The following NBEA variants were observed in gnomAD, a reference collection of about 807,000 sequenced individuals.
The protein encoded by NBEA is neurobeachin.
In NBEA, 44 loss-of-function variants were observed where a neutral mutation model predicts 343.4. The observed-to-expected ratio is 0.13, with a 90% CI of 0.10 to 0.16. NBEA has a LOEUF of 0.16. Among genes scored for constraint, NBEA ranks in the 10% least tolerant of loss-of-function variants. The pLI, the probability that NBEA is intolerant of heterozygous loss-of-function variation, is 1.00. For missense variants in NBEA, 2,555 were observed against 3,631.3 expected (o/e 0.70, Z 7.62); for synonymous variants, 1,175 against 1,238.7 (o/e 0.95, Z 1.08).
intron 41 of NBEA, among the ~76,000 whole-genome samples, chr13:35,484,688 C>A (rs1438595776): frequency 6.6e-6 from 1 of 152,184 alleles, no homozygotes; most frequent in East Asian, 1.9e-4. Context: ...TAATTAATTG[C>A]CTCTATTCTT....
At chr13:35,311,550 T>A (rs1240701571) in intron 36 of NBEA, among the ~76,000 whole-genome samples, 1 of 152,044 alleles carries the variant, frequency 6.6e-6, no homozygotes, top group Non-Finnish European at 1.5e-5. Context: ...GTAGTCACAA[T>A]TTTAAAAAAA....
intron 40 of NBEA, among the ~76,000 whole-genome samples, chr13:35,471,599 T>G (rs2075651687): frequency 6.6e-6 from 1 of 152,174 alleles, no homozygotes; most frequent in African/African-American, 2.4e-5. Flanking sequence ...TACGCGTAAT[T>G]CGTGATTTTC....
chr13:35,231,765 AG>A (rs1382513400), intron 33 of NBEA, among the ~76,000 whole-genome samples: 4 of 152,140 alleles, frequency 2.6e-5, no homozygotes, highest in African/African-American at 4.8e-5. Flanking sequence ...TGATAGAGCC[AG>A]GATTCTAGTC....
At chr13:35,009,458 A>G (rs975418363) in intron 1 of NBEA, among the ~76,000 whole-genome samples, 4 of 152,144 alleles carry the variant, frequency 2.6e-5, no homozygotes, top group Non-Finnish European at 5.9e-5. Flanking sequence ...AGCCATATGG[A>G]TATCAGTCAG....
intron 6 of NBEA, among the ~76,000 whole-genome samples, chr13:35,054,504 A>G (rs2063175321): frequency 6.6e-6 from 1 of 152,102 alleles, no homozygotes; most frequent in African/African-American, 2.4e-5. Flanking sequence ...TGGAATGAAA[A>G]AACTTAAAAA....
At chr13:35,057,786 T>C (rs1738269100) in intron 7 of NBEA, among the ~76,000 whole-genome samples, 1 of 152,136 alleles carries the variant, frequency 6.6e-6, no homozygotes, top group Non-Finnish European at 1.5e-5. Context: ...TTTGTAATAG[T>C]GCCCTAAGAA....
At chr13:35,469,433 A>T (rs905121859) in intron 40 of NBEA, among the ~76,000 whole-genome samples, 2 of 152,158 alleles carry the variant, frequency 1.3e-5, no homozygotes, top group Non-Finnish European at 2.9e-5. Flanking sequence ...TAATACCCCT[A>T]TACTTCTTTC....
Position 35,443,037 on chromosome 13 carries a change from CTCT to C in NBEA, c.6305-9050_6305-9048del, listed in dbSNP as rs1462441338. On this transcript the variant is annotated intron_variant, in intron 39 of 58. Coordinates refer to ENST00000379939, the MANE Select transcript of NBEA (RefSeq NM_001385012.1). ...GTTGGTGTTAGGTAGCCATTTTCTT[CTCT>C]TCTTTCTTAAATTCCAATCAATTGT... is the stretch of plus-strand genomic sequence containing the variant. Among the ~76,000 whole-genome samples, 3 of 152,030 alleles carry C rather than the reference CTCT, an allele frequency of 2.0e-5. No individual in the cohort carries two copies. In the East Asian group the frequency reaches 5.8e-4, roughly 29 times the overall value.
chr13:35,429,714 AC>A (rs1220748846), intron 38 of NBEA, among the ~76,000 whole-genome samples: 1 of 151,522 alleles, frequency 6.6e-6, no homozygotes, highest in Non-Finnish European at 1.5e-5. Flanking sequence ...ATTTTGGTGC[AC>A]CCATCACCTG....
chr13:35,148,549 A>T (rs2068578493), intron 18 of NBEA, among the ~76,000 whole-genome samples: 1 of 152,196 alleles, frequency 6.6e-6, no homozygotes, highest in Non-Finnish European at 1.5e-5. Flanking sequence ...AACTTGGAAA[A>T]TGTAGAAAAG....
intron 36 of NBEA, among the ~76,000 whole-genome samples, chr13:35,337,867 A>G (rs1231713523): frequency 3.3e-5 from 5 of 152,096 alleles, no homozygotes; most frequent in Non-Finnish European, 7.4e-5. Context: ...GGAAACTACT[A>G]AATAACCAAT....
At chr13:34,954,232 G>A (rs1435880340) in intron 1 of NBEA, among the ~76,000 whole-genome samples, 1 of 152,146 alleles carries the variant, frequency 6.6e-6, no homozygotes, top group Non-Finnish European at 1.5e-5. Context: ...GGAATCTATG[G>A]ATTTTGGTAA....
chr13:35,610,680 C>T (rs2082474729), intron 48 of NBEA, among the ~76,000 whole-genome samples: 1 of 151,976 alleles, frequency 6.6e-6, no homozygotes, highest in South Asian at 2.1e-4. Flanking sequence ...AAAGCACAAC[C>T]TATAAAAGAA....
At chr13:35,507,276 A>G (rs1382712358) in intron 41 of NBEA, among the ~76,000 whole-genome samples, 2 of 151,642 alleles carry the variant, frequency 1.3e-5, no homozygotes, top group African/African-American at 2.4e-5. Flanking sequence ...CAACCACCTA[A>G]TGTTGGAGTG....
At chr13:35,636,173 A>G (rs866301838) in intron 49 of NBEA, among the ~76,000 whole-genome samples, 4 of 152,360 alleles carry the variant, frequency 2.6e-5, no homozygotes, top group South Asian at 4.1e-4. Context: ...TAAATTAACA[A>G]TTATTCAAAA....
intron 13 of NBEA, among the ~76,000 whole-genome samples, chr13:35,114,489 C>A (rs1220232312): frequency 1.3e-5 from 2 of 152,046 alleles, no homozygotes; most frequent in Non-Finnish European, 2.9e-5. Context: ...TCTGAATGGC[C>A]CTTGTTGTCT....
At chr13:35,429,834 T>TGTGTAC (rs1555262949) in intron 38 of NBEA, among the ~76,000 whole-genome samples, 8,840 of 148,014 alleles carry the variant, frequency 0.06, 320 homozygotes, top group East Asian at 0.096. Context: ...TGTGTGTGTG[T>TGTGTAC]ACACACATTT....
At chr13:35,320,447 G>A (rs2038056876) in intron 36 of NBEA, among the ~76,000 whole-genome samples, 1 of 152,212 alleles carries the variant, frequency 6.6e-6, no homozygotes, top group African/African-American at 2.4e-5. Context: ...GGCTTGTAGG[G>A]TTTCTGCTGA....
At chr13:35,524,271 A>G (rs566597312) in intron 41 of NBEA, among the ~76,000 whole-genome samples, 1 of 152,322 alleles carries the variant, frequency 6.6e-6, no homozygotes, top group African/African-American at 2.4e-5. Context: ...TCTCTTTTCG[A>G]GTATGTTTCA....
Sources: allele counts gnomAD v4.1 joint callset (sites outside exome capture counted in the v4.1 genomes callset), GRCh38; gene constraint gnomAD v4.1.1; transcripts MANE v1.5; gene names NCBI Gene and HGNC (gene_info 2026-07-23, HGNC 2026-07-21).